Variants in IPCEF1 observed in about 807,000 individuals in gnomAD.
IPCEF1 encodes interactor protein for cytohesin exchange factors 1.
In IPCEF1, 31 loss-of-function variants were observed where a neutral mutation model predicts 50.9. That is an observed-to-expected ratio of 0.61 (90% CI 0.46 to 0.82). The LOEUF is 0.82. IPCEF1 is among the 40% of genes least tolerant of loss of function. The pLI is 0.00. For synonymous variants in IPCEF1, 181 were observed against 192.0 expected (o/e 0.94, Z 0.47); for missense variants, 458 against 514.0 (o/e 0.89, Z 1.05).
chr6:154,168,773 T>C lies in IPCEF1; in HGVS notation c.911-660A>G, dbSNP rs1040825718. Among the ~76,000 whole-genome samples the C allele has an allele frequency of 6.6e-6, 1 of 151,850 alleles. No individual in the cohort carries two copies. The highest frequency in any genetic ancestry group is 1.5e-5 in the Non-Finnish European group (1 of 67,970). Reference sequence around the variant, plus strand: ...GGCACCTGCCACCATGCCCGGCTCATTTTTATATTTTTAGTACAGACAGGG... The same window carrying C: ...GGCACCTGCCACCATGCCCGGCTCACTTTTATATTTTTAGTACAGACAGGG... On this transcript the variant is annotated intron_variant, in intron 10 of 11. Transcript: ENST00000367220. The surrounding 1 kb of genome is among the most constrained non-coding windows in gnomAD (Gnocchi z 4.1).
At chr6:154,187,091 T>C (rs1302178661) in intron 10 of IPCEF1, among the ~76,000 whole-genome samples, 1 of 152,176 alleles carries the variant, frequency 6.6e-6, no homozygotes, top group Non-Finnish European at 1.5e-5. Flanking sequence ...CCTCTAGCAC[T>C]GTCTGACTGC....
intron 10 of IPCEF1, among the ~76,000 whole-genome samples, chr6:154,194,098 C>A (rs533108086): frequency 1.3e-5 from 2 of 152,150 alleles, no homozygotes; most frequent in Non-Finnish European, 2.9e-5. Flanking sequence ...CGCTCCTCAA[C>A]GTTTCAAACT....
rs186751848 is a variant in IPCEF1, at chr6:154,275,427, C to T, written c.-17-9463G>A. On this transcript the variant is annotated intron_variant, in intron 2 of 11. Coordinates refer to ENST00000367220, the MANE Select transcript of IPCEF1 (RefSeq NM_001130700.2). ...TCCTTCCAGGTCCCTACTAGGGTAT[C>T]CCCCGAATAACATCCGCAATTCCTA... Among the ~76,000 whole-genome samples, 144 of 152,292 alleles carry T rather than the reference C, an allele frequency of 9.5e-4. 2 individuals are homozygous for T. The highest frequency in any genetic ancestry group is 2.7e-3 in the Admixed American group (41 of 15,298).
intron 10 of IPCEF1, among the ~76,000 whole-genome samples, chr6:154,169,360 C>T (rs1005519251): frequency 6.6e-6 from 1 of 151,762 alleles, no homozygotes; most frequent in Non-Finnish European, 1.5e-5. Context: ...GACTCTGTCA[C>T]ACACACACAC....
intron 1 of IPCEF1, among the ~76,000 whole-genome samples, chr6:154,328,045 A>G (rs2128691339): frequency 6.6e-6 from 1 of 152,232 alleles, no homozygotes; most frequent in South Asian, 2.1e-4. Context: ...GGCTAACAAC[A>G]CACACTGGGG....
At chr6:154,211,042 G>C (rs1777916168) in intron 9 of IPCEF1, among the ~76,000 whole-genome samples, 1 of 152,172 alleles carries the variant, frequency 6.6e-6, no homozygotes, top group African/African-American at 2.4e-5. Flanking sequence ...AAAAGGTCTG[G>C]TAAGTGAATG....
intron 1 of IPCEF1, among the ~76,000 whole-genome samples, chr6:154,310,640 G>T (rs1783054811): frequency 2.0e-5 from 3 of 152,102 alleles, no homozygotes. Context: ...TCAAAATGTG[G>T]TATGTATATA....
intron 2 of IPCEF1, among the ~76,000 whole-genome samples, chr6:154,284,430 A>G (rs1234896694): frequency 6.6e-6 from 1 of 152,174 alleles, no homozygotes; most frequent in African/African-American, 2.4e-5. Context: ...CTCGGCCCCC[A>G]GGAAGACCTC....
chr6:154,186,699 G>A (rs1408594166), intron 10 of IPCEF1, among the ~76,000 whole-genome samples: 1 of 152,076 alleles, frequency 6.6e-6, no homozygotes, highest in Non-Finnish European at 1.5e-5. Context: ...TGGGACTACA[G>A]GCGCCCGCCA....
At chr6:154,200,470 C>A (rs1487141616) in intron 9 of IPCEF1, among the ~76,000 whole-genome samples, 2 of 152,180 alleles carry the variant, frequency 1.3e-5, no homozygotes, top group East Asian at 3.8e-4. Context: ...CCTGTAATCC[C>A]AGCACTTTGG....
rs761957145 is a variant in IPCEF1 at position 154,157,355 on chromosome 6, C to A, written c.*2473G>T. 6.6e-6 allele frequency: 1 copy of A among 152,266 alleles called. No homozygotes were observed. Among genetic ancestry groups the A allele is most frequent in the Admixed American group, 6.5e-5 (1 of 15,288 alleles). 9.4% of individuals were successfully genotyped at this position (152,266 alleles called of 1,614,324 possible). A position where few individuals can be genotyped will look rare whatever the true frequency, so the allele number is the denominator to read the frequency against. On this transcript the variant is annotated 3_prime_UTR_variant, in exon 12 of 12. Coordinates refer to ENST00000367220, the MANE Select transcript of IPCEF1 (RefSeq NM_001130700.2). Reference sequence around the variant, plus strand: ...AGGGGGAAAAACACGAATGAGCAGGCAATGGGGCTCCAGAAAGCCAGGTGC... The same window carrying A: ...AGGGGGAAAAACACGAATGAGCAGGAAATGGGGCTCCAGAAAGCCAGGTGC...
At chr6:154,160,849 GT>G (rs1462598008) in intron 11 of IPCEF1, among the ~76,000 whole-genome samples, 3 of 152,088 alleles carry the variant, frequency 2.0e-5, no homozygotes, top group African/African-American at 7.2e-5. Context: ...AATATATCAC[GT>G]TTGATCTGCT....
intron 10 of IPCEF1, among the ~76,000 whole-genome samples, chr6:154,195,558 A>T (rs1468723795): frequency 6.6e-6 from 1 of 151,968 alleles, no homozygotes; most frequent in Non-Finnish European, 1.5e-5. Flanking sequence ...CCTCAACCAA[A>T]TGTCCTTTCC....
intron 1 of IPCEF1, among the ~76,000 whole-genome samples, chr6:154,320,347 C>T (rs189043053): frequency 6.6e-6 from 1 of 152,250 alleles, no homozygotes; most frequent in East Asian, 1.9e-4. Flanking sequence ...CTTTTGGCTA[C>T]TTCACAGCTC....
At chr6:154,305,861 T>C (rs1480463921) in intron 1 of IPCEF1, among the ~76,000 whole-genome samples, 3 of 152,226 alleles carry the variant, frequency 2.0e-5, no homozygotes, top group African/African-American at 7.2e-5. Flanking sequence ...CTTCAGCTCT[T>C]GGACCTTTGG....
chr6:154,180,415 T>TATATATATATA (rs1491475267), intron 10 of IPCEF1, among the ~76,000 whole-genome samples: 62 of 29,336 alleles, frequency 2.1e-3, no homozygotes, highest in African/African-American at 7.6e-3. Context: ...TATATATATA[T>TATATATATATA]TTTTTTTTTA....
intron 10 of IPCEF1, among the ~76,000 whole-genome samples, chr6:154,172,314 G>A (rs1039050276): frequency 1.3e-5 from 2 of 152,204 alleles, no homozygotes; most frequent in African/African-American, 4.8e-5. Flanking sequence ...CCCATGGAGG[G>A]TGAGCTGAAG....
intron 1 of IPCEF1, among the ~76,000 whole-genome samples, chr6:154,325,042 A>T (rs1783485867): frequency 6.6e-6 from 1 of 152,208 alleles, no homozygotes; most frequent in Admixed American, 6.5e-5. Context: ...CAATAGAAAA[A>T]CAGGCACAAA....
At chr6:154,248,387 C>G (rs1646425478) in intron 3 of IPCEF1, among the ~76,000 whole-genome samples, 1 of 150,112 alleles carries the variant, frequency 6.7e-6, no homozygotes, top group African/African-American at 2.4e-5. Flanking sequence ...TTTGTTTTTT[C>G]TTTACAAATA....
Sources: gnomAD v4.1 joint callset for allele counts (sites outside exome capture counted in the v4.1 genomes callset) on GRCh38, gnomAD v4.1.1 for gene constraint, Gnocchi (gnomAD v3.1) non-coding constraint, MANE v1.5 for transcripts, NCBI Gene and HGNC (gene_info 2026-07-23, HGNC 2026-07-21) for gene names.